DOK6: variants seen among roughly 807,000 people sequenced by gnomAD.
The protein encoded by DOK6 is downstream of tyrosine kinase 6.
In DOK6, 22 loss-of-function variants were observed where a neutral mutation model predicts 44.0. The observed-to-expected ratio is 0.50, with a 90% CI of 0.36 to 0.71. The LOEUF (loss-of-function observed/expected upper bound fraction) is 0.71, where lower values mean the gene tolerates loss of function less well. Among genes scored for constraint, DOK6 ranks in the 30% least tolerant of loss-of-function variants. DOK6 has a pLI of 0.00. For synonymous variants in DOK6, 166 were observed against 145.5 expected, an observed-to-expected ratio of 1.14 and a Z score of -1.01; for missense variants, 340 against 416.4, an observed-to-expected ratio of 0.82 and a Z score of 1.60.
intron 1 of DOK6, among the ~76,000 whole-genome samples, chr18:69,529,746 C>T (rs999023158): frequency 1.3e-5 from 2 of 152,060 alleles, no homozygotes; most frequent in Admixed American, 1.3e-4. Flanking sequence ...TTAATGTTGC[C>T]CTATTCCGTG....
chr18:69,561,095 C>T (rs986997404), intron 1 of DOK6, among the ~76,000 whole-genome samples: 7 of 152,086 alleles, frequency 4.6e-5, no homozygotes, highest in African/African-American at 1.2e-4. Context: ...AAGAAAAAAG[C>T]GCTTGAGAAA....
rs1260412676 is a variant in DOK6, at chr18:69,564,537, C to T, written c.117C>T (p.Pro39=). The T allele has an allele frequency of 5.0e-6, 8 of 1,613,796 alleles. No homozygotes were observed. The highest frequency in any genetic ancestry group is 8.5e-7 in the Non-Finnish European group (1 of 1,179,882). The change falls in exon 2 of 8, where the codon CCC becomes CCT. Residue 39 remains proline (P), a synonymous_variant. Transcript: ENST00000382713. ...LVFKKASSKG[P]RRLEKFPDEK... ...TCAAGAAGGCTTCTAGCAAAGGACC[C>T]AGAAGGTTAGAAAAATTTCCAGATG...
intron 2 of DOK6, among the ~76,000 whole-genome samples, chr18:69,586,561 T>G (rs1178966683): frequency 6.6e-6 from 1 of 152,198 alleles, no homozygotes; most frequent in East Asian, 1.9e-4. Flanking sequence ...ATCTGAACGT[T>G]TGAATGACCT....
At chr18:69,481,887 GTTTCCTGACTT>G in intron 1 of DOK6, among the ~76,000 whole-genome samples, 1 of 152,226 alleles carries the variant, frequency 6.6e-6, no homozygotes, top group Middle Eastern at 3.4e-3. Flanking sequence ...AGCACCTGTT[GTTTCCTGACTT>G]TTTAATGATC....
chr18:69,772,158 A>T, intron 7 of DOK6, among the ~76,000 whole-genome samples: 1 of 152,032 alleles, frequency 6.6e-6, no homozygotes, highest in Admixed American at 6.6e-5. Context: ...TGACAGAATG[A>T]GACTCCATCT....
chr18:69,511,136 C>T (rs538480283), intron 1 of DOK6, among the ~76,000 whole-genome samples: 1 of 152,268 alleles, frequency 6.6e-6, no homozygotes, highest in African/African-American at 2.4e-5. Context: ...TTTCTTTCCT[C>T]ATATCCTATG....
At chr18:69,667,879 T>C (rs1568327793) in intron 3 of DOK6, among the ~76,000 whole-genome samples, 1 of 152,204 alleles carries the variant, frequency 6.6e-6, no homozygotes, top group Non-Finnish European at 1.5e-5. Context: ...CTCCCACATT[T>C]ATAAGTCCGA....
At chr18:69,825,567 G>C (rs894223469) in intron 7 of DOK6, among the ~76,000 whole-genome samples, 1 of 150,964 alleles carries the variant, frequency 6.6e-6, no homozygotes, top group Admixed American at 6.6e-5. Context: ...CCGAGTAGCT[G>C]GGACTACAGG....
rs143944189 is a variant in DOK6 at position 69,575,197 on chromosome 18, A to G, written c.174+10603A>G. Among the ~76,000 whole-genome samples the G allele has an allele frequency of 6.1e-3, 936 of 152,250 alleles. 9 individuals are homozygous for G. Among genetic ancestry groups the G allele is most frequent in the African/African-American group, 0.021 (870 of 41,560 alleles). On this transcript the variant is annotated intron_variant, in intron 2 of 7. Coordinates refer to ENST00000382713, the MANE Select transcript of DOK6 (RefSeq NM_152721.6). ...ATGAAAGTTCTGATCTTTTCAAGACAGGGTGGTGGATGCATGATTTTGCAC... is the reference window on the plus strand; with the variant it reads ...ATGAAAGTTCTGATCTTTTCAAGACGGGGTGGTGGATGCATGATTTTGCAC...
At chr18:69,742,093 T>C (rs1243777594) in intron 6 of DOK6, among the ~76,000 whole-genome samples, 2 of 152,168 alleles carry the variant, frequency 1.3e-5, no homozygotes, top group Non-Finnish European at 2.9e-5. Flanking sequence ...TTTCTATTCT[T>C]GCTTGAAGAA....
At chr18:69,421,218 T>G (rs1978483512) in intron 1 of DOK6, among the ~76,000 whole-genome samples, 1 of 152,212 alleles carries the variant, frequency 6.6e-6, no homozygotes, top group Non-Finnish European at 1.5e-5. Flanking sequence ...ATAATGTGAT[T>G]TTATGACTTA....
intron 2 of DOK6, among the ~76,000 whole-genome samples, chr18:69,582,561 A>G (rs1030724001): frequency 3.3e-5 from 5 of 151,688 alleles, no homozygotes; most frequent in Admixed American, 2.6e-4. Flanking sequence ...TTCTTTTTCT[A>G]GTGTAGTAAA....
At chr18:69,617,729 AG>A (rs74192038) in intron 3 of DOK6, among the ~76,000 whole-genome samples, 5 of 38,054 alleles carry the variant, frequency 1.3e-4, no homozygotes, top group East Asian at 1.7e-3. Context: ...GAAAGAAAAA[AG>A]GGGGAAGGAG....
At chr18:69,824,442 C>G (rs766236506) in intron 7 of DOK6, among the ~76,000 whole-genome samples, 78 of 82,936 alleles carry the variant, frequency 9.4e-4, no homozygotes, top group Non-Finnish European at 1.7e-3. Context: ...CTCCTGGGCT[C>G]AAGCAATCCT....
At chr18:69,722,062 G>A (rs901606971) in intron 5 of DOK6, among the ~76,000 whole-genome samples, 2 of 152,134 alleles carry the variant, frequency 1.3e-5, no homozygotes, top group South Asian at 2.1e-4. Context: ...CAAAAAAGAC[G>A]TGGTGTTATT....
At chr18:69,581,749 G>T (rs190961021) in intron 2 of DOK6, among the ~76,000 whole-genome samples, 1 of 152,310 alleles carries the variant, frequency 6.6e-6, no homozygotes. Flanking sequence ...CCTACAGATA[G>T]GGAGGTACAT....
At chr18:69,810,847 A>G (rs923441730) in intron 7 of DOK6, among the ~76,000 whole-genome samples, 3 of 152,080 alleles carry the variant, frequency 2.0e-5, no homozygotes, top group African/African-American at 7.2e-5. Context: ...CACAACTGCT[A>G]ATGGGAATGT....
chr18:69,415,058 T>A (rs1047062272), intron 1 of DOK6, among the ~76,000 whole-genome samples: 4 of 152,126 alleles, frequency 2.6e-5, no homozygotes, highest in African/African-American at 7.2e-5. Context: ...AACACCAACC[T>A]CATTGTTGAG....
At position 69,822,939 on chromosome 18, in the gene DOK6, T is replaced by A. The variant is rs1331172053; in HGVS notation, c.857-18305T>A. Among the ~76,000 whole-genome samples the A allele has an allele frequency of 2.0e-5, 3 of 152,354 alleles. No individual in the cohort carries two copies. The East Asian group carries it at 5.8e-4, about 29-fold the overall frequency. On this transcript the variant is annotated intron_variant, in intron 7 of 7. Coordinates refer to ENST00000382713, the MANE Select transcript of DOK6 (RefSeq NM_152721.6). ...TTGACAATCACATTTAGCTTTATAG[T>A]ATTTTTACATTTTTATTTTATAAAG...
Sources: gnomAD v4.1 joint callset for allele counts (sites outside exome capture counted in the v4.1 genomes callset) on GRCh38, gnomAD v4.1.1 for gene constraint, MANE v1.5 for transcripts, NCBI Gene and HGNC (gene_info 2026-07-23, HGNC 2026-07-21) for gene names.